The following EPC1 variants were observed in gnomAD, a reference collection of about 807,000 sequenced individuals.
EPC1 encodes the protein enhancer of polycomb homolog 1.
EPC1 carries 12 observed loss-of-function variants against 98.4 expected under a neutral mutation model. The observed-to-expected ratio is 0.12, with a 90% CI of 0.08 to 0.20. The LOEUF is 0.20. Ranked by LOEUF, EPC1 falls within the 10% of genes least tolerant of loss-of-function variation. The probability of loss-of-function intolerance (pLI) is 1.00; values close to 1 mark genes in which losing one functional copy is unlikely to be tolerated. For missense variants in EPC1, 729 were observed against 990.5 expected, an observed-to-expected ratio of 0.74 and a Z score of 3.54; for synonymous variants, 357 against 363.9, an observed-to-expected ratio of 0.98 and a Z score of 0.21.
rs987911079 is a variant in EPC1, at chr10:32,287,243, C to T, written c.1007G>A (p.Arg336Gln). 7.4e-6 allele frequency: 12 copies of T among 1,614,048 alleles called. No individual in the cohort carries two copies. Among genetic ancestry groups the T allele is most frequent in the African/African-American group, 1.3e-5 (1 of 75,008 alleles). ...QDKADLIRPK[R>Q]KYEKKPKVLP... Reference sequence around the variant, plus strand: ...GACTTTGGGCTTCTTTTCATATTTCCGTTTCGGTCGGATAAGATCGGCTTT... The same window carrying T: ...GACTTTGGGCTTCTTTTCATATTTCTGTTTCGGTCGGATAAGATCGGCTTT... Residue 336 changes from arginine (R) to glutamine (Q), a missense_variant, in exon 7 of 14, where the codon CGG becomes CAG. By Grantham distance (43) the Arg-to-Gln change is conservative (BLOSUM62 1). Around this residue, in one of 6 missense-constraint regions of EPC1, gnomAD observed 390 missense variants for 438.6 expected, o/e 0.89. Transcript: ENST00000319778.
intron 6 of EPC1, 149 bp downstream of exon 6, chr10:32,291,014 T>G: frequency 4.8e-6 from 3 of 623,938 alleles, no homozygotes; most frequent in South Asian, 2.2e-5. Flanking sequence ...TGACCTCAGG[T>G]GATCTACCCA....
Position 32,304,645 on chromosome 10 carries a change from C to T in EPC1, c.313+1127G>A, listed in dbSNP as rs181121331. On this transcript the variant is annotated intron_variant, in intron 2 of 13. Transcript: ENST00000319778. ...AGAAAAACCTCTTGATCAGGCCAGG[C>T]ACAGTGGCTCATGCCTGTAATCCCA... 5.3e-5 allele frequency among the ~76,000 whole-genome samples: 8 copies of T among 152,226 alleles called. 1 individual carries two copies. The highest frequency in any genetic ancestry group is 5.2e-4 in the Admixed American group (8 of 15,298).
intron 1 of EPC1, among the ~76,000 whole-genome samples, chr10:32,323,834 G>C (rs2132925196): frequency 6.6e-6 from 1 of 152,332 alleles, no homozygotes; most frequent in South Asian, 2.1e-4. Context: ...ATGTTGCCAT[G>C]AGGATTAAAT....
chr10:32,346,028 C>G (rs1016817303), intron 1 of EPC1, among the ~76,000 whole-genome samples: 1 of 152,198 alleles, frequency 6.6e-6, no homozygotes, highest in Non-Finnish European at 1.5e-5. Context: ...TTATTATCCT[C>G]CGACCAACTA....
chr10:32,301,054 C>G (rs1016579814), intron 2 of EPC1, among the ~76,000 whole-genome samples: 5 of 149,640 alleles, frequency 3.3e-5, no homozygotes, highest in African/African-American at 1.2e-4. Context: ...ATCTATCTAT[C>G]TATCTATCTA....
chr10:32,285,357 G>C (rs565434820), intron 9 of EPC1: 3 of 253,810 alleles, frequency 1.2e-5, no homozygotes, highest in Admixed American at 5.0e-5. Flanking sequence ...CATTCCTTTT[G>C]GGGGGAAAGG....
intron 2 of EPC1, among the ~76,000 whole-genome samples, chr10:32,301,210 G>A (rs555699333): frequency 1.1e-4 from 16 of 152,154 alleles, no homozygotes; most frequent in Non-Finnish European, 2.2e-4. Flanking sequence ...GGAGAGCCAG[G>A]TATAAATCTA....
chr10:32,296,577 C>G (rs1275465064), intron 2 of EPC1, among the ~76,000 whole-genome samples: 1 of 152,168 alleles, frequency 6.6e-6, no homozygotes. Flanking sequence ...TTTGCCTCTG[C>G]AAGAGGCTTT....
chr10:32,295,989 T>A (rs1564530864), intron 2 of EPC1, among the ~76,000 whole-genome samples: 1 of 151,856 alleles, frequency 6.6e-6, no homozygotes, highest in Admixed American at 6.6e-5. Flanking sequence ...AGTGGGGCGA[T>A]CTCGGCTTAC....
chr10:32,333,776 G>A (rs1005013676), intron 1 of EPC1, among the ~76,000 whole-genome samples: 2 of 146,704 alleles, frequency 1.4e-5, no homozygotes, highest in Non-Finnish European at 3.0e-5. Flanking sequence ...TACGAGAAGG[G>A]TGTTGTCTCT....
chr10:32,360,611 C>T (rs1453510054), intron 1 of EPC1, among the ~76,000 whole-genome samples: 2 of 152,134 alleles, frequency 1.3e-5, no homozygotes, highest in Non-Finnish European at 2.9e-5. Flanking sequence ...GATTTGATCT[C>T]ACATGTATCA....
At chr10:32,357,134 G>A (rs1006165380) in intron 1 of EPC1, among the ~76,000 whole-genome samples, 11 of 152,176 alleles carry the variant, frequency 7.2e-5, no homozygotes, top group Non-Finnish European at 1.3e-4. Flanking sequence ...GGGACACAGA[G>A]TAGCTATCAT....
In EPC1 at chr10:32,286,771, A is replaced by G. The variant is rs761960117; in HGVS notation, c.1314T>C (p.Tyr438=). 2 of 1,614,166 alleles carry G rather than the reference A, an allele frequency of 1.2e-6. No individual in the cohort carries two copies. Among genetic ancestry groups the G allele is most frequent in the South Asian group, 1.1e-5 (1 of 91,078 alleles). Residue 438 remains tyrosine (Y), a synonymous_variant, in exon 9 of 14, where the codon TAT becomes TAC. Transcript: ENST00000319778. ...PKDGGLGDVR[Y]RYCLTTLTVP... is the part of the protein sequence containing the mutation. Reference sequence around the variant, plus strand: ...CGGTGAGAGTAGTTAAGCAGTATCTATATCGCACATCCCCTAATCCTCCAT... The same window carrying G: ...CGGTGAGAGTAGTTAAGCAGTATCTGTATCGCACATCCCCTAATCCTCCAT...
In EPC1 at chr10:32,305,939, G is replaced by A. The variant is rs1213418299; in HGVS notation, c.154-8C>T. On this transcript the variant is annotated splice_region_variant and splice_polypyrimidine_tract_variant and intron_variant, in intron 1 of 13. Transcript: ENST00000319778. Reference sequence around the variant, plus strand: ...CCGCTGAAGATGATGTTCCTAAAAAGAAGAAAAAACAGGTAAGTTCATGTA... The same window carrying A: ...CCGCTGAAGATGATGTTCCTAAAAAAAAGAAAAAACAGGTAAGTTCATGTA... 9 of 1,586,980 alleles carry A rather than the reference G, an allele frequency of 5.7e-6. No homozygotes were observed. The Admixed American group carries it at 7.6e-5, about 13-fold the overall frequency.
Position 32,338,942 on chromosome 10 carries a change from A to T in EPC1, c.153+7821T>A, listed in dbSNP as rs576848457. Among the ~76,000 whole-genome samples the T allele has an allele frequency of 1.9e-3, 206 of 111,124 alleles. 1 individual carries two copies. Among genetic ancestry groups the T allele is most frequent in the Middle Eastern group, 5.3e-3 (1 of 190 alleles). 72.9% of individuals were successfully genotyped at this position (111,124 alleles called of 152,430 possible). ...AACAGAGGGAGACCTTGTCTCAAAAAAAATAAATAAATAAATAAATAAAAT... is the reference window on the plus strand; with the variant it reads ...AACAGAGGGAGACCTTGTCTCAAAATAAATAAATAAATAAATAAATAAAAT... On this transcript the variant is annotated intron_variant, in intron 1 of 13. Coordinates refer to ENST00000319778, the MANE Select transcript of EPC1 (RefSeq NM_001272004.3).
At chr10:32,312,715 T>C (rs1051872405) in intron 1 of EPC1, among the ~76,000 whole-genome samples, 3 of 152,218 alleles carry the variant, frequency 2.0e-5, no homozygotes, top group African/African-American at 7.2e-5. Flanking sequence ...TGTATGTATA[T>C]GTGCATGTAC....
At chr10:32,358,614 C>A (rs1326733654) in intron 1 of EPC1, among the ~76,000 whole-genome samples, 1 of 139,422 alleles carries the variant, frequency 7.2e-6, no homozygotes, top group Non-Finnish European at 1.5e-5. Flanking sequence ...CACTGCACTC[C>A]AGCCTGGGGA....
At chr10:32,322,561 T>C (rs1368741978) in intron 1 of EPC1, among the ~76,000 whole-genome samples, 1 of 152,242 alleles carries the variant, frequency 6.6e-6, no homozygotes. Flanking sequence ...GATTTATCTA[T>C]GGTTGGTTTC....
intron 1 of EPC1, among the ~76,000 whole-genome samples, chr10:32,337,540 CAT>C (rs1201607967): frequency 6.6e-6 from 1 of 152,200 alleles, no homozygotes; most frequent in Admixed American, 6.5e-5. Context: ...GGAGCTGCCA[CAT>C]CTGTTTGGAA....
Sources: allele counts gnomAD v4.1 joint callset (sites outside exome capture counted in the v4.1 genomes callset), GRCh38; gene constraint gnomAD v4.1.1; regional missense constraint gnomAD v4.1.1; transcripts MANE v1.5; gene names NCBI Gene and HGNC (gene_info 2026-07-23, HGNC 2026-07-21).